Variants in C6orf118 observed in about 807,000 individuals in gnomAD.
The protein encoded by C6orf118 is chromosome 6 open reading frame 118.
In C6orf118, 50 loss-of-function variants were observed where a neutral mutation model predicts 50.2. The observed-to-expected ratio is 1.00, with a 90% confidence interval of 0.79 to 1.26. The LOEUF is 1.26. Among genes scored for constraint, C6orf118 ranks in the 50% most tolerant of loss-of-function variants. The pLI is 0.00. For synonymous variants in C6orf118, 239 were observed against 230.9 expected (o/e 1.03, Z -0.32); for missense variants, 641 against 578.7 (o/e 1.11, Z -1.10).
At chr6:165,300,676 A>G (rs994177855) in intron 2 of C6orf118, among the ~76,000 whole-genome samples, 190 bp from the exon 3 acceptor site, 60 of 151,806 alleles carry the variant, frequency 4.0e-4, no homozygotes, top group Non-Finnish European at 4.4e-5. Context: ...CTGGTCACCC[A>G]AGATGTGGGA....
intron 6 of C6orf118, among the ~76,000 whole-genome samples, chr6:165,291,087 G>T (rs930299718): frequency 1.3e-5 from 2 of 152,096 alleles, no homozygotes; most frequent in African/African-American, 4.8e-5. Flanking sequence ...TGATTCAGTT[G>T]TCTACCACCA....
In C6orf118 at chr6:165,280,060, T is replaced by C. The variant is rs144444100; in HGVS notation, c.1407A>G (p.Arg469=). 3.6e-4 allele frequency: 584 copies of C among 1,605,998 alleles called. 4 individuals carry two copies. The East Asian group carries it at 9.9e-3, about 27-fold the overall frequency. The change falls in exon 9 of 9, where the codon AGA becomes AGG. Residue 469 remains arginine (R), a synonymous_variant. Transcript: ENST00000230301. Reference sequence around the variant, plus strand: ...CATTTGTTCAGCCACTTGAGCGTTATCTTCTGTTTCCTCTGATTTTACAAA... The same window carrying C: ...CATTTGTTCAGCCACTTGAGCGTTACCTTCTGTTTCCTCTGATTTTACAAA... The part of the protein sequence containing the change: ...QGICKIRGNR[R]
intron 5 of C6orf118, among the ~76,000 whole-genome samples, chr6:165,295,629 T>C (rs772727157): frequency 5.7e-5 from 8 of 140,450 alleles, no homozygotes; most frequent in African/African-American, 1.7e-4. Flanking sequence ...CAATTTATAC[T>C]ATTTTATTAT....
chr6:165,293,812 C>T (rs1308118960), intron 5 of C6orf118, among the ~76,000 whole-genome samples: 1 of 152,118 alleles, frequency 6.6e-6, no homozygotes, highest in African/African-American at 2.4e-5. Context: ...AAAAACGTAG[C>T]ATTTTACACT....
At position 165,300,503 on chromosome 6, in the gene C6orf118, G is replaced by T. The variant is rs1275032303; in HGVS notation, c.754-17C>A. The T allele has an allele frequency of 4.4e-6, 7 of 1,604,182 alleles. No individual in the cohort carries two copies. In the South Asian group the frequency reaches 6.6e-5, roughly 15 times the overall value. On this transcript the variant is annotated splice_polypyrimidine_tract_variant and intron_variant, in intron 2 of 8. Coordinates refer to ENST00000230301, the MANE Select transcript of C6orf118 (RefSeq NM_144980.4). ...CTGGAGCTCCTGGAGGAAAAACAGA[G>T]TCAGCCCATTTCAGGGTGGCTTCAT...
At chr6:165,298,449 G>A (rs1336197604) in intron 4 of C6orf118, among the ~76,000 whole-genome samples, 1 of 152,224 alleles carries the variant, frequency 6.6e-6, no homozygotes, top group African/African-American at 2.4e-5. Context: ...TCCTCTAGGT[G>A]AATGAGAAGC....
At chr6:165,295,651 T>G (rs375467372) in intron 5 of C6orf118, among the ~76,000 whole-genome samples, 2,813 of 120,258 alleles carry the variant, frequency 0.023, 90 homozygotes, top group African/African-American at 0.12. Flanking sequence ...GATTTATTGT[T>G]TTTTTTTTTC....
rs78602123 is a variant in C6orf118 at position 165,299,377 on chromosome 6, C to T, written c.936+66G>A. The T allele has an allele frequency of 3.3e-3, 4,709 of 1,448,690 alleles. 133 individuals are homozygous for T. In the African/African-American group the frequency reaches 0.059, roughly 18 times the overall value. 89.7% of individuals were successfully genotyped at this position (1,448,690 alleles called of 1,614,324 possible). ...CTTCTTGGATTCAGAAAGGTTTCCA[C>T]TGCTCATGAAATATGAAGCTATGGA... On this transcript the variant is annotated intron_variant, in intron 4 of 8. Coordinates refer to ENST00000230301, the MANE Select transcript of C6orf118 (RefSeq NM_144980.4).
intron 5 of C6orf118, among the ~76,000 whole-genome samples, chr6:165,296,490 C>T (rs573218114): frequency 8.5e-5 from 13 of 152,118 alleles, no homozygotes; most frequent in African/African-American, 3.1e-4. Flanking sequence ...TGACCCCGCA[C>T]CCTGTAGGGG....
At chr6:165,285,828 G>T (rs1309152330) in intron 7 of C6orf118, among the ~76,000 whole-genome samples, 6 of 151,906 alleles carry the variant, frequency 3.9e-5, no homozygotes, top group African/African-American at 1.5e-4. Context: ...AAGCTAGAAA[G>T]ATCTCAAATC....
At position 165,309,592 on chromosome 6, in the gene C6orf118, C is replaced by A; in HGVS notation, c.-6G>T. The A allele has an allele frequency of 6.2e-7, 1 of 1,614,128 alleles. No homozygotes were observed. Among genetic ancestry groups the A allele is most frequent in the Non-Finnish European group, 8.5e-7 (1 of 1,180,034 alleles). On this transcript the variant is annotated 5_prime_UTR_variant, in exon 1 of 9. Transcript: ENST00000230301. ...GGCTCCCGCTCCTCCGCCATCGCTT[C>A]CTTCCCTCCAGCTGCCTGGGCTGGG...
rs770840353 is a variant in C6orf118 at position 165,289,980 on chromosome 6, C to T, written c.1208G>A (p.Trp403Ter). ...EKKRCEILSKWDEIQALEKEI... is the reference protein window; with the variant it reads ...EKKRCEILSK ...TTTTTCCAGAGCTTGTATCTCATCC[C>T]ACTTACTGAGTATTTCACACCTCTT... The change falls in exon 7 of 9, where the codon TGG (tryptophan) becomes TAG (stop). Residue 403 changes from tryptophan to a stop codon, truncating the protein, a stop_gained. Coordinates refer to ENST00000230301, the MANE Select transcript of C6orf118 (RefSeq NM_144980.4). LOFTEE classifies it high-confidence loss of function. The T allele has an allele frequency of 6.2e-7, 1 of 1,611,036 alleles. No individual in the cohort carries two copies. Among genetic ancestry groups the T allele is most frequent in the African/African-American group, 1.3e-5 (1 of 74,846 alleles).
At chr6:165,293,324 T>A in intron 6 of C6orf118, 89 bp downstream of exon 6, 1 of 1,189,756 alleles carries the variant, frequency 8.4e-7, no homozygotes, top group Non-Finnish European at 1.3e-6. Context: ...ATCTTCCAAG[T>A]TGACAGACAG....
intron 1 of C6orf118, among the ~76,000 whole-genome samples, chr6:165,308,095 G>A (rs1441225933): frequency 1.3e-5 from 2 of 152,172 alleles, no homozygotes; most frequent in East Asian, 3.9e-4. Flanking sequence ...CAGGGGACCT[G>A]AGCCCAAGGG....
At chr6:165,299,541 A>C (rs1159483831) in intron 3 of C6orf118, 39 bp from the exon 4 acceptor site, 3 of 1,512,090 alleles carry the variant, frequency 2.0e-6, no homozygotes, top group South Asian at 1.1e-5. Flanking sequence ...GCCATGTATG[A>C]GGAGGCCACA....
intron 4 of C6orf118, among the ~76,000 whole-genome samples, chr6:165,298,848 G>C (rs984657486): frequency 1.3e-5 from 2 of 152,170 alleles, no homozygotes; most frequent in Non-Finnish European, 2.9e-5. Context: ...TATAAAAGAA[G>C]CAACTATCTT....
chr6:165,302,374 G>A (rs950646161), intron 1 of C6orf118, 78 bp from the exon 2 acceptor site: 5 of 1,514,388 alleles, frequency 3.3e-6, no homozygotes, highest in Non-Finnish European at 4.4e-6. Context: ...TGGCTGAGAG[G>A]CGTAGCCCCT....
intron 4 of C6orf118, among the ~76,000 whole-genome samples, 179 bp from the exon 5 acceptor site, chr6:165,298,280 T>C (rs1266161024): frequency 6.6e-6 from 1 of 152,190 alleles, no homozygotes; most frequent in Non-Finnish European, 1.5e-5. Flanking sequence ...GGATGGCCCA[T>C]CAGTGAAGTT....
At chr6:165,288,135 C>A (rs1202278150) in intron 7 of C6orf118, among the ~76,000 whole-genome samples, 1 of 152,190 alleles carries the variant, frequency 6.6e-6, no homozygotes, top group Non-Finnish European at 1.5e-5. Context: ...TGAACAGACA[C>A]TTCTCAAAAG....
Sources: gnomAD v4.1 joint callset for allele counts (sites outside exome capture counted in the v4.1 genomes callset) on GRCh38, gnomAD v4.1.1 for gene constraint, MANE v1.5 for transcripts, NCBI Gene and HGNC (gene_info 2026-07-23, HGNC 2026-07-21) for gene names.